Variants in SLIT1 observed in about 807,000 individuals in gnomAD.
SLIT1 encodes slit homolog 1 protein.
In SLIT1, 66 loss-of-function variants were observed where a neutral mutation model predicts 186.1. The ratio of observed to expected loss-of-function variants is 0.35; its 90% CI spans 0.29 to 0.44. SLIT1 has a LOEUF of 0.44. SLIT1 is among the 20% of genes least tolerant of loss of function. The pLI, the probability that SLIT1 is intolerant of heterozygous loss-of-function variation, is 1.00. For synonymous variants in SLIT1, 761 were observed against 833.8 expected (o/e 0.91, Z 1.50); for missense variants, 1,638 against 2,037.4 (o/e 0.80, Z 3.77).
intron 1 of SLIT1, among the ~76,000 whole-genome samples, chr10:97,166,624 A>AAAGAAAGAAAGG (rs1850122412): frequency 1.9e-4 from 1 of 5,322 alleles, no homozygotes; most frequent in African/African-American, 8.3e-4. Context: ...AGAAAGAAAG[A>AAAGAAAGAAAGG]GAAAAGAAAA....
At position 97,043,351 on chromosome 10, in the gene SLIT1, T is replaced by C. The variant is rs1417047588; in HGVS notation, c.1997+19A>G. On this transcript the variant is annotated intron_variant, in intron 19 of 36. Transcript: ENST00000266058. This position sits in a 1 kb window ranked among gnomAD's most constrained non-coding sequence, Gnocchi z 7.0. ...TTGCTCCAGAGCCCCCGCCCGCCTG[T>C]CCTGGAGGCCGGACTCACAGTGTGG... 2 of 1,612,868 alleles carry C rather than the reference T, an allele frequency of 1.2e-6. No individual in the cohort carries two copies. Among genetic ancestry groups the C allele is most frequent in the Non-Finnish European group, 1.7e-6 (2 of 1,179,846 alleles).
At position 97,063,507 on chromosome 10, in the gene SLIT1, G is replaced by A. The variant is rs774159531; in HGVS notation, c.741C>T (p.Ser247=). ...CCTCTGCCACATTGAGGCCACGCAG[G>A]CTGGCTGGGCCCGAGCACTGGGTGA... ...GLFTQCSGPA[S]LRGLNVAEVQ... Residue 247 remains serine, a synonymous_variant, in exon 8 of 37, where the codon AGC becomes AGT. Transcript: ENST00000266058. 6.2e-7 allele frequency: 1 copy of A among 1,613,168 alleles called. No individual in the cohort carries two copies. Among genetic ancestry groups the A allele is most frequent in the South Asian group, 1.1e-5 (1 of 91,016 alleles).
intron 4 of SLIT1, among the ~76,000 whole-genome samples, chr10:97,088,215 A>G (rs1849188155): frequency 6.6e-6 from 1 of 151,886 alleles, no homozygotes; most frequent in Admixed American, 6.6e-5. Context: ...GAGAGCCCTC[A>G]TTCTACACGT....
chr10:97,098,912 C>A (rs1193008666), intron 4 of SLIT1, among the ~76,000 whole-genome samples: 3 of 152,174 alleles, frequency 2.0e-5, no homozygotes, highest in African/African-American at 7.2e-5. Flanking sequence ...TGGAGTTGGC[C>A]TCACCAAGTG....
At chr10:97,121,926 T>C (rs1849563366) in intron 4 of SLIT1, among the ~76,000 whole-genome samples, 1 of 152,206 alleles carries the variant, frequency 6.6e-6, no homozygotes, top group Admixed American at 6.5e-5. Context: ...TCCTGGATTA[T>C]CTCATTTAAT....
chr10:97,129,512 C>G (rs1849634329), intron 4 of SLIT1, among the ~76,000 whole-genome samples: 1 of 152,222 alleles, frequency 6.6e-6, no homozygotes, highest in African/African-American at 2.4e-5. Context: ...TTCACTGTTA[C>G]TAGACGTGGA....
chr10:97,141,456 C>T lies in SLIT1; in HGVS notation c.413+16362G>A, dbSNP rs189603983. On this transcript the variant is annotated intron_variant, in intron 4 of 36. Transcript: ENST00000266058. The stretch of plus-strand genomic sequence containing the variant: ...GATGGCTCCCAGTGTTAGCCACCCT[C>T]CTCCAAGCATGTTCAGAGACCTCCA... 4.6e-3 allele frequency among the ~76,000 whole-genome samples: 704 copies of T among 152,310 alleles called. 16 individuals are homozygous for T. Among genetic ancestry groups the T allele is most frequent in the Admixed American group, 0.044 (668 of 15,294 alleles).
At position 97,026,186 on chromosome 10, in the gene SLIT1, G is replaced by A. The variant is rs1226102246; in HGVS notation, c.2582+4571C>T. Among the ~76,000 whole-genome samples, 9 of 152,248 alleles carry A rather than the reference G, an allele frequency of 5.9e-5. No homozygotes were observed. The East Asian group carries it at 9.6e-4, about 16-fold the overall frequency. ...CAAATAATAAGGTATAGTGTTGGCC[G>A]GGCACGGTGGCTTATGCCTGTAATC... On this transcript the variant is annotated intron_variant, in intron 25 of 36. Coordinates refer to ENST00000266058, the MANE Select transcript of SLIT1 (RefSeq NM_003061.3).
intron 1 of SLIT1, among the ~76,000 whole-genome samples, chr10:97,169,084 C>T (rs138690598): frequency 1.3e-5 from 2 of 152,122 alleles, no homozygotes; most frequent in African/African-American, 4.8e-5. Context: ...TCCTACACCC[C>T]ACTCCACACA....
At chr10:97,056,577 T>G in intron 12 of SLIT1, 113 bp from the exon 13 acceptor site, 1 of 1,176,150 alleles carries the variant, frequency 8.5e-7, no homozygotes. Context: ...GAGGAGCCCA[T>G]CGGAGCAGGC....
rs557800735 is a variant in SLIT1 at position 97,041,980 on chromosome 10, C to T, written c.2164+921G>A. Among the ~76,000 whole-genome samples the T allele has an allele frequency of 2.6e-5, 4 of 152,018 alleles. No homozygotes were observed. The East Asian group carries it at 5.8e-4, about 22-fold the overall frequency. Reference sequence around the variant, plus strand: ...AATCAGACATTTTTAAAAAGACTTGCAAGCTATTATTATATAAATTAATAA... The same window carrying T: ...AATCAGACATTTTTAAAAAGACTTGTAAGCTATTATTATATAAATTAATAA... On this transcript the variant is annotated intron_variant, in intron 20 of 36. Coordinates refer to ENST00000266058, the MANE Select transcript of SLIT1 (RefSeq NM_003061.3).
intron 10 of SLIT1, 66 bp from the exon 11 acceptor site, chr10:97,059,597 C>A: frequency 8.5e-7 from 1 of 1,183,256 alleles, no homozygotes; most frequent in South Asian, 1.2e-5. Context: ...CCTGCCCAGT[C>A]CCCTCCACCT....
At chr10:97,067,321 C>G (rs1589380881) in intron 4 of SLIT1, among the ~76,000 whole-genome samples, 1 of 152,314 alleles carries the variant, frequency 6.6e-6, no homozygotes, top group East Asian at 1.9e-4. Context: ...GGCCTCTGAC[C>G]TGTCCACCTG....
chr10:97,056,533 C>A, intron 12 of SLIT1, 69 bp from the exon 13 acceptor site: 1 of 1,531,472 alleles, frequency 6.5e-7, no homozygotes. Context: ...AGGTCCTGGG[C>A]ACCTTCTTCA....
chr10:97,130,319 T>C (rs1483914481), intron 4 of SLIT1, among the ~76,000 whole-genome samples: 2 of 152,208 alleles, frequency 1.3e-5, no homozygotes, highest in Non-Finnish European at 2.9e-5. Flanking sequence ...CCTTCATTCA[T>C]GGAAGTATTA....
chr10:97,117,516 A>T (rs61864254), intron 4 of SLIT1, among the ~76,000 whole-genome samples: 2 of 152,236 alleles, frequency 1.3e-5, no homozygotes, highest in African/African-American at 4.8e-5. Context: ...TTATAAATCC[A>T]CAAGGGTGTG....
rs763982457 is a variant in SLIT1 at position 97,004,256 on chromosome 10, T to C, written c.3711-34A>G. On this transcript the variant is annotated intron_variant, in intron 33 of 36. Transcript: ENST00000266058. The surrounding 1 kb of genome is among the most constrained non-coding windows in gnomAD (Gnocchi z 5.1). The stretch of plus-strand genomic sequence containing the variant: ...AGAGGGGGTTCCCCGTTCCAGGGAG[T>C]GGGCATCAGTCTGGACCATCCCTGC... 131 of 1,586,626 alleles carry C rather than the reference T, an allele frequency of 8.3e-5. No homozygotes were observed. The highest frequency in any genetic ancestry group is 1.1e-4 in the Non-Finnish European group (129 of 1,159,200).
intron 1 of SLIT1, among the ~76,000 whole-genome samples, chr10:97,176,171 GA>G (rs1850253539): frequency 6.6e-6 from 1 of 152,152 alleles, no homozygotes; most frequent in Non-Finnish European, 1.5e-5. Context: ...ACCCTGGGCA[GA>G]TGGCTCCATC....
At chr10:97,141,715 CTGTATTGTATTGTACTGTATT>C (rs1564686482) in intron 4 of SLIT1, among the ~76,000 whole-genome samples, 99 of 110,326 alleles carry the variant, frequency 9.0e-4, no homozygotes, top group African/African-American at 3.7e-3. Context: ...TTGTATTGTA[CTGTATTGTATTGTACTGTATT>C]GTATCGTATC....
Sources: gnomAD v4.1 joint callset for allele counts (sites outside exome capture counted in the v4.1 genomes callset) on GRCh38, gnomAD v4.1.1 for gene constraint, Gnocchi (gnomAD v3.1) non-coding constraint, MANE v1.5 for transcripts, NCBI Gene and HGNC (gene_info 2026-07-23, HGNC 2026-07-21) for gene names.